Variants in SHLD1 observed in about 807,000 individuals in gnomAD.
SHLD1 encodes the protein RINN1-REV7-interacting novel NHEJ regulator 3.
A neutral mutation model predicts 5.5 loss-of-function variants in SHLD1; 3 were observed. That is an observed-to-expected ratio of 0.54 (90% CI 0.25 to 1.40). The LOEUF is 1.40. Among genes scored for constraint, SHLD1 ranks in the 40% most tolerant of loss-of-function variants. The pLI, the probability that SHLD1 is intolerant of heterozygous loss-of-function variation, is 0.15. For synonymous variants in SHLD1, 92 were observed against 94.3 expected (o/e 0.98, Z 0.14); for missense variants, 210 against 244.4 (o/e 0.86, Z 0.94).
chr20:5,843,205 T>C (rs1017352283), intron 2 of SHLD1, among the ~76,000 whole-genome samples: 10 of 152,266 alleles, frequency 6.6e-5, no homozygotes, highest in East Asian at 1.9e-4. Flanking sequence ...TTAAAATAAA[T>C]AGCTGGCTTA....
intron 2 of SHLD1, among the ~76,000 whole-genome samples, chr20:5,856,562 T>C (rs555509391): frequency 6.6e-5 from 10 of 152,312 alleles, no homozygotes; most frequent in South Asian, 2.1e-4. Flanking sequence ...CCTCATATAC[T>C]AAAAATGATA....
chr20:5,845,918 G>A (rs940223014), intron 2 of SHLD1, among the ~76,000 whole-genome samples: 20 of 152,276 alleles, frequency 1.3e-4, no homozygotes, highest in African/African-American at 4.8e-4. Flanking sequence ...AAGGGGAAGT[G>A]CTCGGCTGTA....
At chr20:5,807,947 T>TA (rs2087403145) in intron 2 of SHLD1, among the ~76,000 whole-genome samples, 1 of 152,232 alleles carries the variant, frequency 6.6e-6, no homozygotes, top group South Asian at 2.1e-4. Context: ...CCTTTTCTTT[T>TA]AAAAAATCGT....
intron 2 of SHLD1, among the ~76,000 whole-genome samples, chr20:5,861,898 C>T (rs967395648): frequency 5.3e-5 from 8 of 152,168 alleles, no homozygotes; most frequent in Non-Finnish European, 1.0e-4. Context: ...CAGGGTCAGG[C>T]GTGGAGGTCC....
intron 2 of SHLD1, among the ~76,000 whole-genome samples, chr20:5,845,731 G>A (rs2087925517): frequency 6.6e-6 from 1 of 152,106 alleles, no homozygotes. Flanking sequence ...CACTCCTCAT[G>A]CCTCTTAACA....
intron 2 of SHLD1, among the ~76,000 whole-genome samples, chr20:5,824,719 C>A (rs1272491559): frequency 1.3e-5 from 2 of 149,998 alleles, no homozygotes; most frequent in Non-Finnish European, 3.0e-5. Context: ...ACCCAAGGAA[C>A]AATTTGATGA....
At chr20:5,798,516 A>C (rs1382381744) in intron 2 of SHLD1, among the ~76,000 whole-genome samples, 1 of 151,848 alleles carries the variant, frequency 6.6e-6, no homozygotes, top group South Asian at 2.1e-4. Context: ...GTTAGCCAGG[A>C]TGGTCTCAAT....
chr20:5,818,887 G>T (rs1385735313), intron 2 of SHLD1, among the ~76,000 whole-genome samples: 2 of 151,948 alleles, frequency 1.3e-5, no homozygotes, highest in Non-Finnish European at 2.9e-5. Context: ...TGTTGAGATG[G>T]AGTCTTGCTC....
intron 2 of SHLD1, among the ~76,000 whole-genome samples, chr20:5,860,731 CA>C (rs1487869907): frequency 6.6e-6 from 1 of 151,986 alleles, no homozygotes; most frequent in Non-Finnish European, 1.5e-5. Flanking sequence ...GCTTCTATGC[CA>C]TCAGAACAAG....
chr20:5,799,781 C>G (rs1364026590), intron 2 of SHLD1, among the ~76,000 whole-genome samples: 1 of 152,144 alleles, frequency 6.6e-6, no homozygotes, highest in Non-Finnish European at 1.5e-5. Flanking sequence ...AGGATACTTA[C>G]AAACTCAAGA....
At chr20:5,829,297 AATTT>A (rs1359996413) in intron 2 of SHLD1, among the ~76,000 whole-genome samples, 1 of 152,178 alleles carries the variant, frequency 6.6e-6, no homozygotes, top group Non-Finnish European at 1.5e-5. Context: ...TACAAGCCTT[AATTT>A]ATTTAAGCCC....
At chr20:5,833,713 G>C (rs6139851) in intron 2 of SHLD1, among the ~76,000 whole-genome samples, 8,527 of 151,652 alleles carry the variant, frequency 0.056, 371 homozygotes, top group East Asian at 0.22. Flanking sequence ...GAGAAACACA[G>C]AGAGAGAGAA....
chr20:5,801,474 C>T (rs953641222), intron 2 of SHLD1, among the ~76,000 whole-genome samples: 3 of 152,198 alleles, frequency 2.0e-5, no homozygotes, highest in African/African-American at 4.8e-5. Flanking sequence ...TGGAAGTGAA[C>T]GAGAATCAAG....
At chr20:5,844,740 T>G (rs904269358) in intron 2 of SHLD1, among the ~76,000 whole-genome samples, 5 of 149,682 alleles carry the variant, frequency 3.3e-5, no homozygotes, top group African/African-American at 1.2e-4. Context: ...GAGTTTCCTT[T>G]TGATATAATA....
intron 1 of SHLD1, among the ~76,000 whole-genome samples, chr20:5,765,732 ACT>A (rs1001618953): frequency 5.0e-5 from 7 of 139,122 alleles, no homozygotes; most frequent in African/African-American, 1.9e-4. Context: ...GTACAAATTC[ACT>A]GAGTCCCAAA....
At position 5,773,388 on chromosome 20, in the gene SHLD1, A is replaced by G. The variant is rs778336989; in HGVS notation, c.178+345A>G. On this transcript the variant is annotated intron_variant, in intron 2 of 2. Coordinates refer to ENST00000303142, the MANE Select transcript of SHLD1 (RefSeq NM_152504.4). ...TTTTGTTTTGTTCTTTTAAAACTTC[A>G]GAAAATAGCAATGTGGGCCTGTTAT... The G allele has an allele frequency of 5.3e-6, 3 of 560,870 alleles. No individual in the cohort carries two copies. In the East Asian group the frequency reaches 8.7e-5, roughly 16 times the overall value. 34.7% of individuals were successfully genotyped at this position (560,870 alleles called of 1,614,324 possible).
intron 2 of SHLD1, among the ~76,000 whole-genome samples, chr20:5,824,625 G>GT (rs34606054): frequency 0.031 from 3,888 of 125,476 alleles, 110 homozygotes; most frequent in African/African-American, 0.074. Flanking sequence ...GTTGTTGTTT[G>GT]TTTTTTTTTT....
intron 2 of SHLD1, among the ~76,000 whole-genome samples, chr20:5,798,718 C>T (rs776507071): frequency 5.9e-5 from 9 of 151,828 alleles, no homozygotes; most frequent in Non-Finnish European, 1.2e-4. Flanking sequence ...CCCAGGTTCA[C>T]GCCATTCTCC....
chr20:5,808,061 C>T (rs1410065016), intron 2 of SHLD1, among the ~76,000 whole-genome samples: 1 of 152,154 alleles, frequency 6.6e-6, no homozygotes, highest in Non-Finnish European at 1.5e-5. Flanking sequence ...GTGGGCAGAT[C>T]GCGAGGCCAG....
Sources: allele counts gnomAD v4.1 joint callset (sites outside exome capture counted in the v4.1 genomes callset), GRCh38; gene constraint gnomAD v4.1.1; transcripts MANE v1.5; gene names NCBI Gene and HGNC (gene_info 2026-07-23, HGNC 2026-07-21).